Variants in CORIN observed in about 807,000 individuals in gnomAD.
CORIN encodes atrial natriuretic peptide-converting enzyme.
CORIN carries 117 observed loss-of-function variants against 125.3 expected under a neutral mutation model. The ratio of observed to expected loss-of-function variants is 0.93; its 90% CI spans 0.80 to 1.09. The LOEUF (loss-of-function observed/expected upper bound fraction) is 1.09, where lower values mean the gene tolerates loss of function less well. CORIN is among the 50% of genes least tolerant of loss of function. CORIN has a pLI of 0.00. For synonymous variants in CORIN, 450 were observed against 466.4 expected, an observed-to-expected ratio of 0.96 and a Z score of 0.45; for missense variants, 1,253 against 1,306.7, an observed-to-expected ratio of 0.96 and a Z score of 0.63.
At chr4:47,673,178 A>AT (rs1246530034) in intron 10 of CORIN, among the ~76,000 whole-genome samples, 15 of 112,004 alleles carry the variant, frequency 1.3e-4, no homozygotes, top group South Asian at 3.2e-4. Context: ...ATCTTTACCA[A>AT]AAAATAAATA....
intron 9 of CORIN, among the ~76,000 whole-genome samples, chr4:47,674,768 G>GA (rs991158905): frequency 4.6e-5 from 7 of 151,930 alleles, no homozygotes; most frequent in African/African-American, 1.7e-4. Context: ...CATTTAATGG[G>GA]AAAAAAATAG....
In CORIN at chr4:47,623,736, C is replaced by A. The variant is rs75141391; in HGVS notation, c.2375G>T (p.Arg792Leu). Reference protein sequence around the residue: ...SLLCTKQDCGRRPAARMNKRI... With the variant: ...SLLCTKQDCGLRPAARMNKRI... Reference sequence around the variant, plus strand: ...TTTGTTCATTCGGGCAGCAGGGCGGCGCCCACAGTCTACCAAGGAGCAGAA... The same window carrying A: ...TTTGTTCATTCGGGCAGCAGGGCGGAGCCCACAGTCTACCAAGGAGCAGAA... The change falls in exon 19 of 22, where the codon CGC becomes CTC. Residue 792 changes from arginine (R) to leucine (L), a missense_variant. Physicochemically the swap from Arg to Leu is moderately radical, Grantham distance 102. Coordinates refer to ENST00000273857, the MANE Select transcript of CORIN (RefSeq NM_006587.4). The A allele has an allele frequency of 3.0e-5, 49 of 1,614,028 alleles. No homozygotes were observed. The highest frequency in any genetic ancestry group is 4.0e-5 in the Non-Finnish European group (47 of 1,180,018).
At chr4:47,804,712 T>G (rs1731690207) in intron 2 of CORIN, among the ~76,000 whole-genome samples, 1 of 35,010 alleles carries the variant, frequency 2.9e-5, no homozygotes, top group African/African-American at 1.2e-4. Context: ...AGGCTGAGGC[T>G]GGGAAGGATG....
chr4:47,603,541 C>T lies in CORIN; in HGVS notation c.2668G>A (p.Asp890Asn), dbSNP rs1179002099. Residue 890 changes from aspartate to asparagine, a missense_variant, in exon 20 of 22, where the codon GAC (aspartate) becomes AAC (asparagine). Transcript: ENST00000273857. ...AGCTCAACGATGCTGATGTCATAGTCCACCACTGCTCGACTGTAGCGGGGA... is the reference window on the plus strand; with the variant it reads ...AGCTCAACGATGCTGATGTCATAGTTCACCACTGCTCGACTGTAGCGGGGA... ...LHPRYSRAVV[D>N]YDISIVELSE... 3 of 1,614,176 alleles carry T rather than the reference C, an allele frequency of 1.9e-6. No individual in the cohort carries two copies. In the Admixed American group the frequency reaches 5.0e-5, roughly 27 times the overall value.
chr4:47,730,120 G>C (rs183496404), intron 5 of CORIN, among the ~76,000 whole-genome samples: 1 of 152,306 alleles, frequency 6.6e-6, no homozygotes, highest in South Asian at 2.1e-4. Context: ...CTGCCCTTGC[G>C]ATAGGGCAGA....
At position 47,625,928 on chromosome 4, in the gene CORIN, GCAACCC is replaced by G. The variant is rs1414341426; in HGVS notation, c.2315+471_2315+476del. ...TACACCCCACCCATAGACAAGGGAA[GCAACCC>G]TGTTTAAGATGCAATGATTTTTTAG... On this transcript the variant is annotated intron_variant, in intron 17 of 21. Transcript: ENST00000273857. Among the ~76,000 whole-genome samples the G allele has an allele frequency of 2.9e-3, 446 of 152,272 alleles. 3 individuals are homozygous for G. Among genetic ancestry groups the G allele is most frequent in the Middle Eastern group, 6.8e-3 (2 of 294 alleles).
intron 15 of CORIN, chr4:47,642,814 C>A: frequency 6.9e-7 from 1 of 1,445,054 alleles, no homozygotes; most frequent in South Asian, 1.5e-5. Flanking sequence ...GTAGAGGTGA[C>A]AAAAGAATGG....
At chr4:47,835,906 T>G (rs1254425696) in intron 1 of CORIN, among the ~76,000 whole-genome samples, 1 of 152,236 alleles carries the variant, frequency 6.6e-6, no homozygotes, top group African/African-American at 2.4e-5. Flanking sequence ...AGAGCAATTC[T>G]TGGTGTGTCT....
intron 13 of CORIN, among the ~76,000 whole-genome samples, chr4:47,649,358 T>G (rs531617170): frequency 6.6e-6 from 1 of 152,326 alleles, no homozygotes; most frequent in Admixed American, 6.5e-5. Context: ...CAGCCCATGC[T>G]TTAGCCTGAC....
chr4:47,757,007 C>A (rs1577895376), intron 4 of CORIN, among the ~76,000 whole-genome samples: 1 of 152,030 alleles, frequency 6.6e-6, no homozygotes, highest in East Asian at 1.9e-4. Flanking sequence ...TTTACACATA[C>A]CATTATAATA....
intron 15 of CORIN, chr4:47,642,894 A>T (rs749474159): frequency 2.7e-5 from 40 of 1,480,248 alleles, no homozygotes; most frequent in Non-Finnish European, 3.6e-5. Context: ...CAGCAATTAT[A>T]TGATTACAAC....
intron 5 of CORIN, among the ~76,000 whole-genome samples, chr4:47,705,986 CTA>C (rs916320845): frequency 2.0e-5 from 3 of 152,176 alleles, no homozygotes; most frequent in African/African-American, 4.8e-5. Context: ...AAACCAATAA[CTA>C]TGTTATTTGT....
chr4:47,809,115 C>T (rs61756990), intron 1 of CORIN, among the ~76,000 whole-genome samples: 59 of 152,178 alleles, frequency 3.9e-4, no homozygotes, highest in South Asian at 2.1e-3. Flanking sequence ...AAGTCTGTTA[C>T]GAGTTAAAAA....
intron 1 of CORIN, among the ~76,000 whole-genome samples, chr4:47,810,783 T>C (rs1019074690): frequency 6.6e-6 from 1 of 152,178 alleles, no homozygotes; most frequent in Non-Finnish European, 1.5e-5. Context: ...CATAGGTGAC[T>C]CGCATCTTTA....
In CORIN at chr4:47,792,791, C is replaced by T. The variant is rs189093128; in HGVS notation, c.209-5866G>A. 4.4e-3 allele frequency among the ~76,000 whole-genome samples: 664 copies of T among 152,294 alleles called. 8 individuals are homozygous for T. Among genetic ancestry groups the T allele is most frequent in the Non-Finnish European group, 4.4e-3 (296 of 68,032 alleles). On this transcript the variant is annotated intron_variant, in intron 2 of 21. Coordinates refer to ENST00000273857, the MANE Select transcript of CORIN (RefSeq NM_006587.4). The stretch of plus-strand genomic sequence containing the variant: ...GATGTAAGAGCCTTCAGAGCTCTGA[C>T]ACAATCATCACAAAGGCTCAAGATG...
rs149207307 is a variant in CORIN at position 47,803,893 on chromosome 4, A to C, written c.208+3010T>G. On this transcript the variant is annotated intron_variant, in intron 2 of 21. Transcript: ENST00000273857. ...TTACAAAGCTCCTGCACAGCAAAGGAAACAGTCAACAAAGTGAAGAGACAA... is the reference window on the plus strand; with the variant it reads ...TTACAAAGCTCCTGCACAGCAAAGGCAACAGTCAACAAAGTGAAGAGACAA... Among the ~76,000 whole-genome samples the C allele has an allele frequency of 5.4e-3, 819 of 152,340 alleles. 8 individuals carry two copies. Among genetic ancestry groups the C allele is most frequent in the African/African-American group, 0.018 (761 of 41,570 alleles).
At chr4:47,623,976 A>G in intron 17 of CORIN, 28 bp from the exon 18 acceptor site, 2 of 1,576,812 alleles carry the variant, frequency 1.3e-6, no homozygotes, top group Non-Finnish European at 1.7e-6. Context: ...AAATGGTATA[A>G]CATTAAGTTA....
At chr4:47,651,045 A>T (rs1444165601) in intron 13 of CORIN, among the ~76,000 whole-genome samples, 1 of 152,256 alleles carries the variant, frequency 6.6e-6, no homozygotes, top group Non-Finnish European at 1.5e-5. Context: ...CATATATTTT[A>T]AAAGTGTATT....
intron 8 of CORIN, 91 bp from the exon 9 acceptor site, chr4:47,678,145 C>G: frequency 1.1e-6 from 1 of 874,292 alleles, no homozygotes; most frequent in Non-Finnish European, 1.9e-6. Context: ...TATCAAGCAT[C>G]GCTAAGAAAC....
Sources: gnomAD v4.1 joint callset for allele counts (sites outside exome capture counted in the v4.1 genomes callset) on GRCh38, gnomAD v4.1.1 for gene constraint, MANE v1.5 for transcripts, NCBI Gene and HGNC (gene_info 2026-07-23, HGNC 2026-07-21) for gene names.